The following JAKMIP1 variants were observed in gnomAD, a reference collection of about 807,000 sequenced individuals.
JAKMIP1 encodes the protein janus kinase and microtubule-interacting protein 1.
Under a neutral mutation model 113.0 loss-of-function variants are expected in JAKMIP1, and 33 were observed. The observed-to-expected ratio is 0.29, with a 90% CI of 0.22 to 0.39. JAKMIP1 has a LOEUF of 0.39. JAKMIP1 is among the 10% of genes least tolerant of loss of function. The pLI, the probability that JAKMIP1 is intolerant of heterozygous loss-of-function variation, is 1.00. For missense variants in JAKMIP1, 813 were observed against 1,080.5 expected, an observed-to-expected ratio of 0.75 and a Z score of 3.47; for synonymous variants, 480 against 459.9, an observed-to-expected ratio of 1.04 and a Z score of -0.56.
intron 1 of JAKMIP1, among the ~76,000 whole-genome samples, chr4:6,189,296 CTT>C (rs1273758800): frequency 6.6e-6 from 1 of 152,216 alleles, no homozygotes; most frequent in Non-Finnish European, 1.5e-5. Flanking sequence ...GAAAGGGAAA[CTT>C]TGAGTTTTAC....
At chr4:6,173,160 C>T (rs913648288) in intron 1 of JAKMIP1, among the ~76,000 whole-genome samples, 9 of 152,180 alleles carry the variant, frequency 5.9e-5, no homozygotes, top group Admixed American at 5.9e-4. Context: ...GGTTACCATA[C>T]AGGGGGTAGA....
intron 1 of JAKMIP1, among the ~76,000 whole-genome samples, chr4:6,166,232 C>T (rs1723614289): frequency 6.6e-6 from 1 of 152,242 alleles, no homozygotes; most frequent in African/African-American, 2.4e-5. Context: ...TAAAAGCCAA[C>T]CTATCTGAAC....
chr4:6,130,265 C>A (rs1020027929), intron 1 of JAKMIP1, among the ~76,000 whole-genome samples: 1 of 152,240 alleles, frequency 6.6e-6, no homozygotes, highest in African/African-American at 2.4e-5. Flanking sequence ...TGGTCTGTCA[C>A]ATAAGGAGCT....
At chr4:6,105,372 A>T in intron 3 of JAKMIP1, 101 bp downstream of exon 3, 1 of 1,262,320 alleles carries the variant, frequency 7.9e-7, no homozygotes, top group Non-Finnish European at 1.1e-6. Flanking sequence ...TGCTTTGAAC[A>T]ATGCCTGGAG....
intron 3 of JAKMIP1, among the ~76,000 whole-genome samples, chr4:6,104,877 CT>C (rs749997652): frequency 9.2e-5 from 14 of 152,210 alleles, no homozygotes; most frequent in Non-Finnish European, 1.5e-4. Context: ...CATGCCCACT[CT>C]GAGATGGCAG....
chr4:6,126,422 A>AAC (rs1315049621), intron 1 of JAKMIP1, among the ~76,000 whole-genome samples: 8 of 83,614 alleles, frequency 9.6e-5, no homozygotes, highest in African/African-American at 4.0e-4. Flanking sequence ...ACCGTACAGA[A>AAC]ACACACACAC....
At chr4:6,174,238 A>G (rs1042289408) in intron 1 of JAKMIP1, among the ~76,000 whole-genome samples, 29 of 152,220 alleles carry the variant, frequency 1.9e-4, no homozygotes, top group Non-Finnish European at 2.1e-4. Context: ...ATGAAAGAGC[A>G]GTTGTAAACA....
intron 20 of JAKMIP1, among the ~76,000 whole-genome samples, chr4:6,026,868 T>G (rs1711905816): frequency 1.8e-4 from 3 of 16,220 alleles, no homozygotes; most frequent in Admixed American, 9.3e-4. Flanking sequence ...TTCTTTGCAT[T>G]TTTTTTTTTT....
intron 18 of JAKMIP1, among the ~76,000 whole-genome samples, chr4:6,037,435 G>A (rs1713646731): frequency 8.2e-6 from 1 of 122,570 alleles, no homozygotes; most frequent in Non-Finnish European, 1.6e-5. Flanking sequence ...CCATCACTGA[G>A]GCAGAGGTTA....
At chr4:6,084,716 A>G in intron 5 of JAKMIP1, 130 bp downstream of exon 5, 1 of 964,370 alleles carries the variant, frequency 1.0e-6, no homozygotes, top group Non-Finnish European at 1.5e-6. Flanking sequence ...TTAATCGAAA[A>G]GAAGTAAGAA....
At chr4:6,149,910 T>C (rs1224195756) in intron 1 of JAKMIP1, among the ~76,000 whole-genome samples, 1 of 152,064 alleles carries the variant, frequency 6.6e-6, no homozygotes, top group Non-Finnish European at 1.5e-5. Flanking sequence ...TCCCCACCCA[T>C]GGCCCACCCT....
Position 6,154,923 on chromosome 4 carries a change from C to A in JAKMIP1, c.-147-41926G>T, listed in dbSNP as rs940025086. Among the ~76,000 whole-genome samples, 2 of 152,138 alleles carry A rather than the reference C, an allele frequency of 1.3e-5. No homozygotes were observed. The highest frequency in any genetic ancestry group is 4.8e-5 in the African/African-American group (2 of 41,432). On this transcript the variant is annotated intron_variant, in intron 1 of 20. Transcript: ENST00000409021. The surrounding 1 kb of genome is among the most constrained non-coding windows in gnomAD (Gnocchi z 4.2). ...GACCCTCTCACTCCACAAACCAACA[C>A]AGAGCACGCAGGGAAAGGTGCGGGG... is the stretch of plus-strand genomic sequence containing the variant.
intron 2 of JAKMIP1, among the ~76,000 whole-genome samples, chr4:6,110,229 C>T (rs965170682): frequency 6.6e-6 from 1 of 152,080 alleles, no homozygotes; most frequent in African/African-American, 2.4e-5. Flanking sequence ...TCCGATTTGC[C>T]TGGTGTCTTT....
At chr4:6,104,537 T>C (rs926634232) in intron 3 of JAKMIP1, among the ~76,000 whole-genome samples, 1 of 152,258 alleles carries the variant, frequency 6.6e-6, no homozygotes, top group East Asian at 1.9e-4. Flanking sequence ...CATCCTCTTA[T>C]GCTCCATGTC....
At chr4:6,091,501 T>A (rs148796252) in intron 3 of JAKMIP1, among the ~76,000 whole-genome samples, 33 of 152,332 alleles carry the variant, frequency 2.2e-4, no homozygotes, top group Non-Finnish European at 4.4e-4. Context: ...TCGGCAGATA[T>A]GGGAATACCC....
intron 8 of JAKMIP1, among the ~76,000 whole-genome samples, chr4:6,074,376 G>A (rs533324490): frequency 7.0e-4 from 107 of 152,314 alleles, no homozygotes; most frequent in Middle Eastern, 3.4e-3. Flanking sequence ...CTGGAGAGTA[G>A]GGATGGGGCT....
Position 6,168,833 on chromosome 4 carries a change from T to C in JAKMIP1, c.-148+31420A>G, listed in dbSNP as rs1019121081. On this transcript the variant is annotated intron_variant, in intron 1 of 20. Transcript: ENST00000409021. This position sits in a 1 kb window ranked among gnomAD's most constrained non-coding sequence, Gnocchi z 4.6. ...GAGAATCACTTGAGCCTGGGGAGGC[T>C]GAGGTTGCAGTGAGCTGTAATCACA... Among the ~76,000 whole-genome samples, 1 of 151,866 alleles carries C rather than the reference T, an allele frequency of 6.6e-6. No individual in the cohort carries two copies. Among genetic ancestry groups the C allele is most frequent in the African/African-American group, 2.4e-5 (1 of 41,336 alleles).
In JAKMIP1 at chr4:6,094,154, T is replaced by C. The variant is rs1051921914; in HGVS notation, c.625-8525A>G. On this transcript the variant is annotated intron_variant, in intron 3 of 20. Coordinates refer to ENST00000409021, the MANE Select transcript of JAKMIP1 (RefSeq NM_001099433.2). This position sits in a 1 kb window ranked among gnomAD's most constrained non-coding sequence, Gnocchi z 4.2. ...TGCATCGAACACATGCCACTGTCAGTTCATGAGTTTTAAAAACAACCATTA... is the reference window on the plus strand; with the variant it reads ...TGCATCGAACACATGCCACTGTCAGCTCATGAGTTTTAAAAACAACCATTA... 1.3e-5 allele frequency among the ~76,000 whole-genome samples: 2 copies of C among 151,688 alleles called. No individual in the cohort carries two copies. The highest frequency in any genetic ancestry group is 4.8e-5 in the African/African-American group (2 of 41,252).
chr4:6,101,242 A>C (rs1238736334), intron 3 of JAKMIP1, among the ~76,000 whole-genome samples: 1 of 151,968 alleles, frequency 6.6e-6, no homozygotes, highest in African/African-American at 2.4e-5. Context: ...TATAGACTTC[A>C]TACTCTATAT....
Sources: gnomAD v4.1 joint callset for allele counts (sites outside exome capture counted in the v4.1 genomes callset) on GRCh38, gnomAD v4.1.1 for gene constraint, Gnocchi (gnomAD v3.1) non-coding constraint, MANE v1.5 for transcripts, NCBI Gene and HGNC (gene_info 2026-07-23, HGNC 2026-07-21) for gene names.